ARHGAP12: variants seen among roughly 807,000 people sequenced by gnomAD.
The protein encoded by ARHGAP12 is rho GTPase-activating protein 12.
ARHGAP12 carries 64 observed loss-of-function variants against 108.6 expected under a neutral mutation model. That is an observed-to-expected ratio of 0.59 (90% CI 0.48 to 0.73). ARHGAP12 has a LOEUF of 0.73. Ranked by LOEUF, ARHGAP12 falls within the 30% of genes least tolerant of loss-of-function variation. The pLI is 0.00. For missense variants in ARHGAP12, 940 were observed against 1,005.9 expected, an observed-to-expected ratio of 0.93 and a Z score of 0.89; for synonymous variants, 312 against 337.2, an observed-to-expected ratio of 0.93 and a Z score of 0.82.
At chr10:31,920,191 A>G (rs1415707297) in intron 1 of ARHGAP12, among the ~76,000 whole-genome samples, 1 of 150,546 alleles carries the variant, frequency 6.6e-6, no homozygotes, top group Admixed American at 6.6e-5. Context: ...AGTGGCTCAC[A>G]CCTGTAATCC....
At chr10:31,866,685 G>A (rs1050536745) in intron 3 of ARHGAP12, among the ~76,000 whole-genome samples, 2 of 151,886 alleles carry the variant, frequency 1.3e-5, no homozygotes, top group African/African-American at 4.8e-5. Context: ...GCACAATCTC[G>A]GATCACCACA....
chr10:31,829,880 C>T, intron 10 of ARHGAP12, among the ~76,000 whole-genome samples: 1 of 152,124 alleles, frequency 6.6e-6, no homozygotes, highest in East Asian at 1.9e-4. Flanking sequence ...TAAAACATTC[C>T]TCCATTTTCC....
chr10:31,843,553 T>C lies in ARHGAP12; in HGVS notation c.1204A>G (p.Ile402Val). Residue 402 changes from isoleucine to valine, a missense_variant, in exon 7 of 20, where the codon ATT becomes GTT. Ile to Val is a conservative substitution (Grantham distance 29). Coordinates refer to ENST00000344936, the MANE Select transcript of ARHGAP12 (RefSeq NM_018287.7). ...CGCCTGTCCAGGCTCCTACTTTTAA[T>C]TATTTCTCTTTGCTGCTGGGATGAA... ...NASSQQQREI[I>V]KSRSLDRRLQ... is the part of the protein sequence containing the mutation. The C allele has an allele frequency of 6.2e-7, 1 of 1,609,460 alleles. No individual in the cohort carries two copies. The highest frequency in any genetic ancestry group is 8.5e-7 in the Non-Finnish European group (1 of 1,178,808).
intron 3 of ARHGAP12, among the ~76,000 whole-genome samples, chr10:31,874,041 T>C (rs1422791230): frequency 6.6e-6 from 1 of 152,200 alleles, no homozygotes; most frequent in African/African-American, 2.4e-5. Flanking sequence ...CACTGAAATT[T>C]CTAGAGATTA....
intron 9 of ARHGAP12, 150 bp from the exon 10 acceptor site, chr10:31,831,950 A>G: frequency 2.3e-6 from 1 of 433,280 alleles, no homozygotes; most frequent in East Asian, 3.7e-5. Flanking sequence ...TCTAGAATAC[A>G]TTAAGAATAT....
chr10:31,854,071 C>T lies in ARHGAP12; in HGVS notation c.1084G>A (p.Glu362Lys), dbSNP rs1397704531. 10 of 1,601,296 alleles carry T rather than the reference C, an allele frequency of 6.2e-6. No homozygotes were observed. The highest frequency in any genetic ancestry group is 7.7e-6 in the Non-Finnish European group (9 of 1,176,244). ...HTLYTSDYTN[E>K]KWLKHVDDQG... ...ATGAGAAAAAAAGAATGTACCTTTT[C>T]ATTAGTATAGTCACTGGTATATAAG... Residue 362 changes from glutamate to lysine, a missense_variant, in exon 5 of 20, where the codon GAA becomes AAA. Physicochemically the swap from Glu to Lys is moderately conservative, Grantham distance 56. Transcript: ENST00000344936.
At chr10:31,866,594 A>G (rs1837332417) in intron 3 of ARHGAP12, among the ~76,000 whole-genome samples, 1 of 152,126 alleles carries the variant, frequency 6.6e-6, no homozygotes, top group African/African-American at 2.4e-5. Context: ...TACAATGAGA[A>G]GAGAAAAAGT....
At chr10:31,824,104 T>C (rs1835511587) in intron 11 of ARHGAP12, among the ~76,000 whole-genome samples, 1 of 152,166 alleles carries the variant, frequency 6.6e-6, no homozygotes, top group Non-Finnish European at 1.5e-5. Context: ...TACTCTTACT[T>C]CCTTTTACTT....
chr10:31,899,538 A>T (rs776657389), intron 3 of ARHGAP12, among the ~76,000 whole-genome samples: 2 of 152,244 alleles, frequency 1.3e-5, no homozygotes, highest in Non-Finnish European at 2.9e-5. Flanking sequence ...GGAATGACAC[A>T]GAGATCAATG....
chr10:31,873,323 T>G (rs1837609172), intron 3 of ARHGAP12, among the ~76,000 whole-genome samples: 1 of 152,232 alleles, frequency 6.6e-6, no homozygotes, highest in Admixed American at 6.5e-5. Flanking sequence ...TATATTTCGA[T>G]TTCTTAAAAT....
intron 3 of ARHGAP12, among the ~76,000 whole-genome samples, chr10:31,888,456 T>G (rs1371118401): frequency 2.0e-5 from 3 of 152,214 alleles, no homozygotes; most frequent in Non-Finnish European, 4.4e-5. Flanking sequence ...TCCTGGCAGG[T>G]GCCAAAACTT....
chr10:31,895,540 C>T (rs1438035473), intron 3 of ARHGAP12, among the ~76,000 whole-genome samples: 5 of 152,110 alleles, frequency 3.3e-5, no homozygotes, highest in African/African-American at 9.7e-5. Context: ...AACCATAATG[C>T]GATACCATCT....
intron 3 of ARHGAP12, among the ~76,000 whole-genome samples, chr10:31,894,111 G>A (rs1838573850): frequency 6.6e-6 from 1 of 152,104 alleles, no homozygotes; most frequent in South Asian, 2.1e-4. Flanking sequence ...AATAATAAGA[G>A]CTATCTATGA....
intron 6 of ARHGAP12, among the ~76,000 whole-genome samples, chr10:31,846,795 A>T (rs1250211233): frequency 6.6e-6 from 1 of 151,970 alleles, no homozygotes; most frequent in Non-Finnish European, 1.5e-5. Flanking sequence ...CTACTTCTTC[A>T]AAGTATCTTT....
At chr10:31,873,865 T>C (rs1837627008) in intron 3 of ARHGAP12, among the ~76,000 whole-genome samples, 1 of 152,198 alleles carries the variant, frequency 6.6e-6, no homozygotes, top group Non-Finnish European at 1.5e-5. Context: ...GCAAAGAAAA[T>C]TCAATGGGAC....
At chr10:31,860,438 T>C (rs1273309819) in intron 4 of ARHGAP12, among the ~76,000 whole-genome samples, 1 of 152,194 alleles carries the variant, frequency 6.6e-6, no homozygotes, top group Non-Finnish European at 1.5e-5. Context: ...CCAAGGCCTC[T>C]TGCCAGACTA....
chr10:31,892,483 A>G (rs895838107), intron 3 of ARHGAP12, among the ~76,000 whole-genome samples: 2 of 152,222 alleles, frequency 1.3e-5, no homozygotes, highest in African/African-American at 4.8e-5. Context: ...CTTTAAACCA[A>G]CAAAGATCAA....
At chr10:31,835,479 T>C (rs1160491209) in intron 9 of ARHGAP12, among the ~76,000 whole-genome samples, 1 of 152,174 alleles carries the variant, frequency 6.6e-6, no homozygotes, top group African/African-American at 2.4e-5. Flanking sequence ...TGAGTAACAA[T>C]ATTATTCTAT....
chr10:31,835,888 T>A (rs1835996812), intron 9 of ARHGAP12, among the ~76,000 whole-genome samples: 1 of 151,924 alleles, frequency 6.6e-6, no homozygotes, highest in African/African-American at 2.4e-5. Flanking sequence ...TGGGTATGGG[T>A]TTTATTTTGG....
Sources: allele counts gnomAD v4.1 joint callset (sites outside exome capture counted in the v4.1 genomes callset), GRCh38; gene constraint gnomAD v4.1.1; transcripts MANE v1.5; gene names NCBI Gene and HGNC (gene_info 2026-07-23, HGNC 2026-07-21).